The following DMXL2 variants were observed in gnomAD, a reference collection of about 807,000 sequenced individuals.
DMXL2 encodes Dmx like 2.
A neutral mutation model predicts 331.1 loss-of-function variants in DMXL2; 103 were observed. The observed-to-expected ratio is 0.31, with a 90% CI of 0.27 to 0.37. The LOEUF (loss-of-function observed/expected upper bound fraction) is 0.37. Among genes scored for constraint, DMXL2 ranks in the 10% least tolerant of loss-of-function variants. DMXL2 has a pLI of 1.00. For missense variants in DMXL2, 3,171 were observed against 3,642.9 expected, an observed-to-expected ratio of 0.87 and a Z score of 3.33; for synonymous variants, 1,281 against 1,252.1, an observed-to-expected ratio of 1.02 and a Z score of -0.49.
Position 51,543,287 on chromosome 15 carries a change from C to T in DMXL2, c.931-780G>A, listed in dbSNP as rs114160500. On this transcript the variant is annotated intron_variant, in intron 8 of 43. Transcript: ENST00000560891. The stretch of plus-strand genomic sequence containing the variant: ...TTCATAATAATTTTTTATTACTTTC[C>T]TTTGTTCCCCACATTCAATTAAATA... 9.5e-3 allele frequency among the ~76,000 whole-genome samples: 1,448 copies of T among 152,202 alleles called. 18 individuals carry two copies. Among genetic ancestry groups the T allele is most frequent in the African/African-American group, 0.033 (1,378 of 41,528 alleles).
rs755780665 is a variant in DMXL2, at chr15:51,459,677, C to A, written c.7927-17G>T. 9 of 1,289,302 alleles carry A rather than the reference C, an allele frequency of 7.0e-6. No homozygotes were observed. The highest frequency in any genetic ancestry group is 9.1e-6 in the Non-Finnish European group (9 of 988,536). The allele number at this position is 1,289,302 out of a possible 1,614,324, so 79.9% of individuals were successfully genotyped here. A position where few individuals can be genotyped will look rare whatever the true frequency, so the allele number is the denominator to read the frequency against. On this transcript the variant is annotated splice_polypyrimidine_tract_variant and intron_variant, in intron 33 of 43. Coordinates refer to ENST00000560891, the MANE Select transcript of DMXL2 (RefSeq NM_001378457.1). The stretch of plus-strand genomic sequence containing the variant: ...TTCTATAGACTAAATACCACCACAC[C>A]GTCACAAACACAAAACACATGCATG...
chr15:51,498,615 A>C lies in DMXL2; in HGVS notation c.4609T>G (p.Leu1537Val). Residue 1537 changes from leucine to valine, a missense_variant, in exon 18 of 44, where the codon TTG becomes GTG. This residue lies in a region of DMXL2 where 252 missense variants were observed against 387.4 expected (regional missense o/e 0.65). Coordinates refer to ENST00000560891, the MANE Select transcript of DMXL2 (RefSeq NM_001378457.1). ...TRLEQMFLVA[L>V]ADTVATTSTE... ...CTAGTAGTAGCCACTGTATCAGCCA[A>C]AGCTACAAGGAACATCTGCTCCAAA... 6.2e-7 allele frequency: 1 copy of C among 1,614,140 alleles called. No individual in the cohort carries two copies. Among genetic ancestry groups the C allele is most frequent in the Non-Finnish European group, 8.5e-7 (1 of 1,179,990 alleles).
At chr15:51,565,663 T>C (rs564443091) in intron 3 of DMXL2, among the ~76,000 whole-genome samples, 1 of 152,326 alleles carries the variant, frequency 6.6e-6, no homozygotes, top group South Asian at 2.1e-4. Context: ...AGAAACTGTG[T>C]CATAATTTTG....
intron 2 of DMXL2, among the ~76,000 whole-genome samples, chr15:51,571,104 A>G (rs1243292247): frequency 6.6e-6 from 1 of 152,192 alleles, no homozygotes; most frequent in Admixed American, 6.5e-5. Context: ...TACCAAGAAA[A>G]TGGAAAGCAA....
intron 1 of DMXL2, chr15:51,603,697 T>C (rs2053382736): frequency 1.3e-5 from 2 of 151,342 alleles, no homozygotes; most frequent in South Asian, 4.2e-4. Context: ...AAACCCCATC[T>C]CTACTAAAAA....
chr15:51,571,549 A>G (rs1031118354), intron 2 of DMXL2, among the ~76,000 whole-genome samples: 1 of 152,238 alleles, frequency 6.6e-6, no homozygotes, highest in South Asian at 2.1e-4. Context: ...AACACTCCTC[A>G]GCAAATGCAA....
chr15:51,581,625 T>C (rs2051426554), intron 1 of DMXL2, among the ~76,000 whole-genome samples: 1 of 152,254 alleles, frequency 6.6e-6, no homozygotes, highest in Non-Finnish European at 1.5e-5. Flanking sequence ...AGAAAACTAA[T>C]ACTCTAATCC....
At chr15:51,474,821 G>C (rs2140328957) in intron 27 of DMXL2, among the ~76,000 whole-genome samples, 1 of 152,066 alleles carries the variant, frequency 6.6e-6, no homozygotes, top group South Asian at 2.1e-4. Context: ...AGGTAAGAAG[G>C]GGAAGCTCTT....
intron 13 of DMXL2, among the ~76,000 whole-genome samples, chr15:51,525,563 A>T (rs566925656): frequency 6.6e-6 from 1 of 152,082 alleles, no homozygotes; most frequent in African/African-American, 2.4e-5. Context: ...AGGGAGCCCA[A>T]TGCCCTGAAA....
chr15:51,580,207 T>A (rs1255946749), intron 1 of DMXL2, among the ~76,000 whole-genome samples: 2 of 152,176 alleles, frequency 1.3e-5, no homozygotes, highest in East Asian at 3.8e-4. Context: ...TCAAAAGTGA[T>A]TTTGTTCCAT....
chr15:51,512,578 G>C (rs936246153), intron 15 of DMXL2, among the ~76,000 whole-genome samples: 1 of 152,170 alleles, frequency 6.6e-6, no homozygotes, highest in African/African-American at 2.4e-5. Context: ...TGGGAGTCAA[G>C]GTGAGCTGAT....
intron 1 of DMXL2, among the ~76,000 whole-genome samples, chr15:51,620,195 G>A (rs1350984256): frequency 3.9e-4 from 59 of 152,118 alleles, no homozygotes; most frequent in Non-Finnish European, 1.2e-4. Context: ...TTTTCAATCT[G>A]TTTTTCACAA....
At chr15:51,465,391 T>A (rs1359753094) in intron 31 of DMXL2, among the ~76,000 whole-genome samples, 175 bp downstream of exon 31, 1 of 152,092 alleles carries the variant, frequency 6.6e-6, no homozygotes, top group African/African-American at 2.4e-5. Context: ...CGAGACTCTA[T>A]CTAAAAAAAT....
intron 2 of DMXL2, among the ~76,000 whole-genome samples, chr15:51,572,987 A>C (rs2050773000): frequency 6.6e-6 from 1 of 152,232 alleles, no homozygotes; most frequent in Admixed American, 6.5e-5. Context: ...GAAGAGAGGA[A>C]GTCAAATTAT....
chr15:51,612,068 C>T (rs897220044), intron 1 of DMXL2, among the ~76,000 whole-genome samples: 1 of 152,136 alleles, frequency 6.6e-6, no homozygotes, highest in East Asian at 1.9e-4. Flanking sequence ...ACATTGACCG[C>T]GAAGGTCTGC....
intron 1 of DMXL2, among the ~76,000 whole-genome samples, chr15:51,618,996 C>G (rs2054465470): frequency 6.6e-6 from 1 of 152,042 alleles, no homozygotes; most frequent in Admixed American, 6.5e-5. Flanking sequence ...AGTCTGCAAG[C>G]CTTAAGGCCA....
intron 25 of DMXL2, among the ~76,000 whole-genome samples, chr15:51,478,628 T>C (rs1278090774): frequency 6.6e-6 from 1 of 152,144 alleles, no homozygotes; most frequent in South Asian, 2.1e-4. Context: ...AATGTTCATA[T>C]TACAGGCATT....
chr15:51,558,113 G>T (rs528495407), intron 6 of DMXL2, among the ~76,000 whole-genome samples: 1 of 152,330 alleles, frequency 6.6e-6, no homozygotes, highest in East Asian at 1.9e-4. Context: ...TGAGTGCTGA[G>T]AACTGATGCC....
chr15:51,502,425 C>T (rs2043731523), intron 17 of DMXL2, among the ~76,000 whole-genome samples: 1 of 151,624 alleles, frequency 6.6e-6, no homozygotes, highest in Non-Finnish European at 1.5e-5. Context: ...CGAGTTCAAG[C>T]AATTCCCCTG....
Sources: allele counts gnomAD v4.1 joint callset (sites outside exome capture counted in the v4.1 genomes callset), GRCh38; gene constraint gnomAD v4.1.1; regional missense constraint gnomAD v4.1.1; transcripts MANE v1.5; gene names NCBI Gene and HGNC (gene_info 2026-07-23, HGNC 2026-07-21).